The following SDC2 variants were observed in gnomAD, a reference collection of about 807,000 sequenced individuals.
SDC2 encodes the protein syndecan-2.
A neutral mutation model predicts 22.2 loss-of-function variants in SDC2; 13 were observed. The observed-to-expected ratio is 0.59, with a 90% CI of 0.38 to 0.93. The LOEUF (loss-of-function observed/expected upper bound fraction) is 0.93. Ranked by LOEUF, SDC2 falls within the 40% of genes least tolerant of loss-of-function variation. SDC2 has a pLI of 0.00. For synonymous variants in SDC2, 94 were observed against 92.8 expected, an observed-to-expected ratio of 1.01 and a Z score of -0.07; for missense variants, 235 against 246.8, an observed-to-expected ratio of 0.95 and a Z score of 0.32.
At chr8:96,601,980 G>A (rs1213412903) in intron 2 of SDC2, among the ~76,000 whole-genome samples, 2 of 152,040 alleles carry the variant, frequency 1.3e-5, no homozygotes, top group African/African-American at 2.4e-5. Flanking sequence ...GGCTGGTCTC[G>A]ATCTCCTGAC....
intron 1 of SDC2, among the ~76,000 whole-genome samples, chr8:96,566,648 TATTAA>T (rs1228971170): frequency 6.6e-6 from 1 of 151,214 alleles, no homozygotes; most frequent in Non-Finnish European, 1.5e-5. Context: ...TGATCTATTT[TATTAA>T]ATTATTTTTA....
chr8:96,512,858 A>G (rs746071017), intron 1 of SDC2, among the ~76,000 whole-genome samples: 13 of 152,230 alleles, frequency 8.5e-5, no homozygotes, highest in Non-Finnish European at 1.9e-4. Context: ...AATGTTTTAA[A>G]TTATTTAATC....
chr8:96,517,503 T>C (rs2130451899), intron 1 of SDC2, among the ~76,000 whole-genome samples: 1 of 152,318 alleles, frequency 6.6e-6, no homozygotes, highest in South Asian at 2.1e-4. Flanking sequence ...AATTAGTTTT[T>C]GCATATGTTG....
chr8:96,522,461 C>T (rs1813511978), intron 1 of SDC2, among the ~76,000 whole-genome samples: 1 of 151,876 alleles, frequency 6.6e-6, no homozygotes, highest in South Asian at 2.1e-4. Flanking sequence ...AAGACATAGT[C>T]TTGGCTACTT....
At chr8:96,592,549 T>C (rs1349444336) in intron 1 of SDC2, among the ~76,000 whole-genome samples, 1 of 152,190 alleles carries the variant, frequency 6.6e-6, no homozygotes, top group Non-Finnish European at 1.5e-5. Flanking sequence ...TAGTAAAATA[T>C]CAATTTACTA....
At chr8:96,538,510 T>C (rs1237983336) in intron 1 of SDC2, among the ~76,000 whole-genome samples, 3 of 104,806 alleles carry the variant, frequency 2.9e-5, no homozygotes, top group Admixed American at 9.2e-5. Flanking sequence ...CTAAAGCATA[T>C]AGAGGTATTT....
chr8:96,495,640 C>T (rs1270563537), intron 1 of SDC2, among the ~76,000 whole-genome samples: 2 of 152,126 alleles, frequency 1.3e-5, no homozygotes, highest in East Asian at 3.9e-4. Context: ...ATCTTAAGGT[C>T]TTTTAGGTAG....
chr8:96,514,768 G>A (rs1813377127), intron 1 of SDC2, among the ~76,000 whole-genome samples: 1 of 152,042 alleles, frequency 6.6e-6, no homozygotes, highest in African/African-American at 2.4e-5. Context: ...TAATTCACAG[G>A]GGTTTGCATT....
chr8:96,554,664 T>C (rs1814080691), intron 1 of SDC2, among the ~76,000 whole-genome samples: 1 of 152,098 alleles, frequency 6.6e-6, no homozygotes, highest in Non-Finnish European at 1.5e-5. Flanking sequence ...CACCCAGGGG[T>C]GGTTGAACTG....
intron 1 of SDC2, among the ~76,000 whole-genome samples, chr8:96,580,863 A>G (rs755642210): frequency 2.6e-5 from 4 of 152,208 alleles, no homozygotes; most frequent in Non-Finnish European, 5.9e-5. Context: ...CCTAGAGAGT[A>G]TGGGGATTTT....
At chr8:96,540,634 C>T (rs571806986) in intron 1 of SDC2, among the ~76,000 whole-genome samples, 1 of 152,164 alleles carries the variant, frequency 6.6e-6, no homozygotes, top group South Asian at 2.1e-4. Flanking sequence ...ACACTCCTTT[C>T]CCCCAACACT....
chr8:96,556,801 G>A (rs953749448), intron 1 of SDC2, among the ~76,000 whole-genome samples: 1 of 151,078 alleles, frequency 6.6e-6, no homozygotes, highest in African/African-American at 2.4e-5. Context: ...AAGAGCTTCT[G>A]CACAGCAAAA....
chr8:96,532,942 A>G (rs2437777), intron 1 of SDC2, among the ~76,000 whole-genome samples: 65,960 of 152,042 alleles, frequency 0.43, 16,218 homozygotes, highest in African/African-American at 0.68. Context: ...TACTGTATCC[A>G]GAATTGGTGG....
chr8:96,521,474 A>G (rs913195998), intron 1 of SDC2, among the ~76,000 whole-genome samples: 1 of 152,168 alleles, frequency 6.6e-6, no homozygotes, highest in African/African-American at 2.4e-5. Context: ...AACCATGGCG[A>G]TGTCTGGATC....
At chr8:96,579,992 G>GC (rs369734762) in intron 1 of SDC2, among the ~76,000 whole-genome samples, 69 of 152,074 alleles carry the variant, frequency 4.5e-4, no homozygotes, top group Non-Finnish European at 8.2e-4. Flanking sequence ...TTTTTACAGA[G>GC]CCCCCCCAGC....
rs555581433 is a variant in SDC2, at chr8:96,527,419, A to T, written c.60+33088A>T. ...GGTGCATGACACTGATCTAGCTTCC[A>T]CTTGCACAGTTCTCTCTCTCTCTGC... On this transcript the variant is annotated intron_variant, in intron 1 of 4. Coordinates refer to ENST00000302190, the MANE Select transcript of SDC2 (RefSeq NM_002998.4). Among the ~76,000 whole-genome samples the T allele has an allele frequency of 6.6e-5, 10 of 152,074 alleles. No homozygotes were observed. In the South Asian group the frequency reaches 8.3e-4, roughly 13 times the overall value.
chr8:96,535,991 A>C (rs1440988804), intron 1 of SDC2, among the ~76,000 whole-genome samples: 6 of 152,220 alleles, frequency 3.9e-5, no homozygotes, highest in Admixed American at 3.9e-4. Context: ...GGAAAAACCA[A>C]AAAGAAATGA....
intron 1 of SDC2, among the ~76,000 whole-genome samples, chr8:96,540,367 G>C (rs1443028701): frequency 1.3e-5 from 1 of 74,114 alleles, no homozygotes; most frequent in Non-Finnish European, 3.7e-5. Context: ...AAAATTAGTC[G>C]GGTGTGGCAG....
intron 3 of SDC2, among the ~76,000 whole-genome samples, chr8:96,606,082 C>T (rs1815074187): frequency 6.6e-6 from 1 of 152,174 alleles, no homozygotes. Flanking sequence ...GTAGGAAGCT[C>T]TCAGGAACTT....
Sources: gnomAD v4.1 joint callset for allele counts (sites outside exome capture counted in the v4.1 genomes callset) on GRCh38, gnomAD v4.1.1 for gene constraint, MANE v1.5 for transcripts, NCBI Gene and HGNC (gene_info 2026-07-23, HGNC 2026-07-21) for gene names.